Variants in SLC16A14 observed in about 807,000 individuals in gnomAD.
SLC16A14 encodes the protein solute carrier family 16 member 14.
SLC16A14 carries 14 observed loss-of-function variants against 35.8 expected under a neutral mutation model. The ratio of observed to expected loss-of-function variants is 0.39; its 90% CI spans 0.26 to 0.61. The LOEUF is 0.61. SLC16A14 is among the 20% of genes least tolerant of loss of function. SLC16A14 has a pLI of 0.51. For missense variants in SLC16A14, 533 were observed against 655.0 expected (o/e 0.81, Z 2.03); for synonymous variants, 248 against 258.9 (o/e 0.96, Z 0.40).
intron 1 of SLC16A14, among the ~76,000 whole-genome samples, chr2:230,060,124 T>C (rs1332681087): frequency 6.6e-6 from 1 of 152,218 alleles, no homozygotes; most frequent in African/African-American, 2.4e-5. Flanking sequence ...TTTGAATAGA[T>C]ACTGTGGTGA....
In SLC16A14 at chr2:230,059,215, GA is replaced by G; in HGVS notation, c.137del (p.Leu46ProfsTer26). 1 of 1,614,206 alleles carries G rather than the reference GA, an allele frequency of 6.2e-7. No homozygotes were observed. The highest frequency in any genetic ancestry group is 8.5e-7 in the Non-Finnish European group (1 of 1,180,046). ...MVLSSFFVHI[L>X]IMGSQMALGV... ...CCAGGGCCATCTGGGAGCCCATGAT[GA>G]GGATGTGCACAAAGAAAGAGGAGAG... On this transcript the variant is annotated frameshift_variant, in exon 2 of 5. Transcript: ENST00000295190. LOFTEE classifies it high-confidence loss of function.
chr2:230,067,475 G>T lies in SLC16A14; in HGVS notation c.-15+1080C>A, dbSNP rs752316161. On this transcript the variant is annotated intron_variant, in intron 1 of 4. Coordinates refer to ENST00000295190, the MANE Select transcript of SLC16A14 (RefSeq NM_152527.5). ...GGAAACCAAATCGGAACCCAGGCCT[G>T]CAGGATCCCAAGCCTGTTTTACCTC... is the stretch of plus-strand genomic sequence containing the variant. Among the ~76,000 whole-genome samples, 4 of 151,858 alleles carry T rather than the reference G, an allele frequency of 2.6e-5. No individual in the cohort carries two copies. The South Asian group carries it at 6.2e-4, about 24-fold the overall frequency.
At chr2:230,055,223 A>T (rs78106521) in intron 2 of SLC16A14, among the ~76,000 whole-genome samples, 1,796 of 151,996 alleles carry the variant, frequency 0.012, 27 homozygotes, top group African/African-American at 0.041. Context: ...GGATCAAATG[A>T]GATCATGTAC....
chr2:230,037,608 T>A, intron 4 of SLC16A14, 77 bp from the exon 5 acceptor site: 1 of 1,212,902 alleles, frequency 8.2e-7, no homozygotes, highest in Non-Finnish European at 1.1e-6. Context: ...CAGGCATTTA[T>A]TGCTGCTGTA....
chr2:230,062,944 G>T (rs1401604288), intron 1 of SLC16A14, among the ~76,000 whole-genome samples: 2 of 152,112 alleles, frequency 1.3e-5, no homozygotes. Flanking sequence ...CACACATCTG[G>T]CTACCTCCCA....
chr2:230,046,659 C>G lies in SLC16A14; in HGVS notation c.467G>C (p.Arg156Thr). The G allele has an allele frequency of 6.2e-7, 1 of 1,605,258 alleles. No homozygotes were observed. The highest frequency in any genetic ancestry group is 8.5e-7 in the Non-Finnish European group (1 of 1,180,002). Reference sequence around the variant, plus strand: ...GCTGAGGCCCTGGGCGAGGGCGCGTCTCTTCTGGAAATACCTGCCCACCAT... The same window carrying G: ...GCTGAGGCCCTGGGCGAGGGCGCGTGTCTTCTGGAAATACCTGCCCACCAT... ...VVMVGRYFQKRRALAQGLSTT... is the reference protein window; with the variant it reads ...VVMVGRYFQKTRALAQGLSTT... The change falls in exon 4 of 5, where the codon AGA (arginine) becomes ACA (threonine). Residue 156 changes from arginine (R) to threonine (T), a missense_variant. Transcript: ENST00000295190. This position sits in a 1 kb window ranked among gnomAD's most constrained non-coding sequence, Gnocchi z 5.0.
chr2:230,061,743 C>CT (rs61262241), intron 1 of SLC16A14, among the ~76,000 whole-genome samples: 41,781 of 142,170 alleles, frequency 0.29, 6,413 homozygotes, highest in African/African-American at 0.38. Context: ...TGAACAATAT[C>CT]TTTTTTTTTT....
At chr2:230,053,190 G>A (rs374061717) in intron 2 of SLC16A14, among the ~76,000 whole-genome samples, 13 of 152,204 alleles carry the variant, frequency 8.5e-5, no homozygotes, top group East Asian at 5.8e-4. Context: ...TGATCCACCC[G>A]CCTCAGTCTC....
At chr2:230,056,719 A>T (rs1343044324) in intron 2 of SLC16A14, among the ~76,000 whole-genome samples, 1 of 151,846 alleles carries the variant, frequency 6.6e-6, no homozygotes, top group Non-Finnish European at 1.5e-5. Context: ...AAGTTTTAAA[A>T]ATCAGCAGGG....
At position 230,063,967 on chromosome 2, in the gene SLC16A14, G is replaced by A. The variant is rs539615718; in HGVS notation, c.-15+4588C>T. ...AAATTAGCCAGGCACATGTGGTGGC[G>A]CATACTTGTGGTCCCAGCTACCTGG... On this transcript the variant is annotated intron_variant, in intron 1 of 4. Coordinates refer to ENST00000295190, the MANE Select transcript of SLC16A14 (RefSeq NM_152527.5). Among the ~76,000 whole-genome samples the A allele has an allele frequency of 2.0e-3, 307 of 152,056 alleles. 2 individuals carry two copies. The highest frequency in any genetic ancestry group is 6.8e-3 in the African/African-American group (284 of 41,476).
chr2:230,048,629 T>C (rs1156672711), intron 3 of SLC16A14, among the ~76,000 whole-genome samples: 1 of 151,836 alleles, frequency 6.6e-6, no homozygotes, highest in Non-Finnish European at 1.5e-5. Flanking sequence ...GCTAAAAGAG[T>C]AAATTATTAT....
chr2:230,066,657 C>CA, intron 1 of SLC16A14: 1 of 317,388 alleles, frequency 3.2e-6, no homozygotes, highest in Non-Finnish European at 6.1e-6. Context: ...TTTTTTTTGA[C>CA]AGAGTATGGC....
rs1213734861 is a variant in SLC16A14, at chr2:230,046,743, A to C, written c.404-21T>G. 6.4e-7 allele frequency: 1 copy of C among 1,571,898 alleles called. No individual in the cohort carries two copies. The highest frequency in any genetic ancestry group is 8.6e-7 in the Non-Finnish European group (1 of 1,164,784). Reference sequence around the variant, plus strand: ...CAGGCCTGTACAGGCCGACGGGGGGAAGAAAAGACACAGTGCAACATCAGT... The same window carrying C: ...CAGGCCTGTACAGGCCGACGGGGGGCAGAAAAGACACAGTGCAACATCAGT... On this transcript the variant is annotated intron_variant, in intron 3 of 4. Transcript: ENST00000295190. The surrounding 1 kb of genome is among the most constrained non-coding windows in gnomAD (Gnocchi z 5.0).
At chr2:230,056,941 G>A (rs1004098278) in intron 2 of SLC16A14, among the ~76,000 whole-genome samples, 2 of 148,630 alleles carry the variant, frequency 1.3e-5, no homozygotes, top group Non-Finnish European at 3.0e-5. Context: ...TCTCTGAATT[G>A]CATTCGAGCA....
intron 4 of SLC16A14, 169 bp downstream of exon 4, chr2:230,045,576 G>T: frequency 1.3e-6 from 1 of 750,184 alleles, no homozygotes; most frequent in Non-Finnish European, 2.2e-6. Flanking sequence ...AAAAAAGAAA[G>T]AATAGGCTTT....
chr2:230,052,812 C>T (rs1231780495), intron 2 of SLC16A14, among the ~76,000 whole-genome samples: 1 of 152,064 alleles, frequency 6.6e-6, no homozygotes, highest in Non-Finnish European at 1.5e-5. Flanking sequence ...CCAAGCGAGA[C>T]CCAGAAATGC....
chr2:230,048,923 C>CAA (rs748042264), intron 3 of SLC16A14, among the ~76,000 whole-genome samples: 3,805 of 14,908 alleles, frequency 0.26, 277 homozygotes, highest in Middle Eastern at 0.32. Flanking sequence ...AACTCCATCT[C>CAA]AAAAAAAAAA....
intron 2 of SLC16A14, among the ~76,000 whole-genome samples, chr2:230,056,802 C>T (rs934892487): frequency 3.4e-5 from 5 of 147,190 alleles, no homozygotes; most frequent in African/African-American, 1.0e-4. Flanking sequence ...CCCAGGTGTT[C>T]GAGGCTGCAG....
chr2:230,041,962 G>A (rs1403673316), intron 4 of SLC16A14, among the ~76,000 whole-genome samples: 1 of 152,154 alleles, frequency 6.6e-6, no homozygotes, highest in South Asian at 2.1e-4. Context: ...TTCTTGGCCT[G>A]GAAAGTCAAT....
Sources: gnomAD v4.1 joint callset for allele counts (sites outside exome capture counted in the v4.1 genomes callset) on GRCh38, gnomAD v4.1.1 for gene constraint, Gnocchi (gnomAD v3.1) non-coding constraint, MANE v1.5 for transcripts, NCBI Gene and HGNC (gene_info 2026-07-23, HGNC 2026-07-21) for gene names.